The following ADAMTS2 variants were observed in gnomAD, a reference collection of about 807,000 sequenced individuals.
ADAMTS2 encodes A disintegrin and metalloproteinase with thrombospondin motifs 2.
A neutral mutation model predicts 123.0 loss-of-function variants in ADAMTS2; 50 were observed. The ratio of observed to expected loss-of-function variants is 0.41; its 90% CI spans 0.32 to 0.51. ADAMTS2 has a LOEUF of 0.51. Ranked by LOEUF, ADAMTS2 falls within the 20% of genes least tolerant of loss-of-function variation. The pLI is 0.35. For synonymous variants in ADAMTS2, 678 were observed against 695.4 expected (o/e 0.98, Z 0.39); for missense variants, 1,494 against 1,705.2 (o/e 0.88, Z 2.18).
chr5:179,344,956 G>T lies in ADAMTS2; in HGVS notation c.139+234C>A, dbSNP rs564396348. Reference sequence around the variant, plus strand: ...CCGGCCCTCCGTCCCCACCCTCCGCGACTCAGGAGCCGCCAGTGCTCCGAG... The same window carrying T: ...CCGGCCCTCCGTCCCCACCCTCCGCTACTCAGGAGCCGCCAGTGCTCCGAG... On this transcript the variant is annotated intron_variant, in intron 1 of 21. Transcript: ENST00000251582. 2.6e-5 allele frequency among the ~76,000 whole-genome samples: 4 copies of T among 152,128 alleles called. No homozygotes were observed. The East Asian group carries it at 7.8e-4, about 30-fold the overall frequency.
chr5:179,310,286 C>T (rs1238821214), intron 2 of ADAMTS2, among the ~76,000 whole-genome samples: 2 of 152,226 alleles, frequency 1.3e-5, no homozygotes, highest in East Asian at 3.9e-4. Context: ...GCTCATACCA[C>T]AAGGCAGAAA....
Position 179,130,185 on chromosome 5 carries a change from G to C in ADAMTS2, c.2291-87C>G. On this transcript the variant is annotated intron_variant, in intron 15 of 21. Transcript: ENST00000251582. This position sits in a 1 kb window ranked among gnomAD's most constrained non-coding sequence, Gnocchi z 4.3. ...GGTTTGGGCTGGTCGGGGAGTGGGGGCAGCTAGCTGGACCCCTTGTCTCTC... is the reference window on the plus strand; with the variant it reads ...GGTTTGGGCTGGTCGGGGAGTGGGGCCAGCTAGCTGGACCCCTTGTCTCTC... The C allele has an allele frequency of 3.3e-6, 5 of 1,514,408 alleles. No homozygotes were observed. The highest frequency in any genetic ancestry group is 3.6e-6 in the Non-Finnish European group (4 of 1,097,484). The allele number at this position is 1,514,408 out of a possible 1,614,324, so 93.8% of individuals were successfully genotyped here.
intron 10 of ADAMTS2, among the ~76,000 whole-genome samples, chr5:179,148,800 C>T (rs923545752): frequency 2.0e-5 from 3 of 152,014 alleles, no homozygotes; most frequent in African/African-American, 2.4e-5. Flanking sequence ...GTCTGAGCCA[C>T]GTGGGGACTG....
At chr5:179,305,054 T>TA (rs1756633228) in intron 2 of ADAMTS2, among the ~76,000 whole-genome samples, 2 of 125,994 alleles carry the variant, frequency 1.6e-5, no homozygotes, top group Admixed American at 7.7e-5. Context: ...GTTAAAATGC[T>TA]GAAAAAAAAA....
rs1343776477 is a variant in ADAMTS2 at position 179,140,033 on chromosome 5, A to G, written c.1632T>C (p.His544=). ...GCCAGATGCAGTGTCCTTTAAAACA[A>G]TGCTGAAAGACAGGAAGCCAGTCCC... The part of the protein sequence containing the change: ...LDGTMCAPGK[H]CFKGHCIWLT... The change falls in exon 11 of 22, where the codon CAT becomes CAC. Residue 544 remains histidine (H), a splice_region_variant and synonymous_variant. Coordinates refer to ENST00000251582, the MANE Select transcript of ADAMTS2 (RefSeq NM_014244.5). 1.3e-5 allele frequency: 21 copies of G among 1,613,996 alleles called. No homozygotes were observed. The highest frequency in any genetic ancestry group is 1.1e-4 in the South Asian group (10 of 91,080).
At chr5:179,125,930 A>C in intron 18 of ADAMTS2, 68 bp downstream of exon 18, 1 of 1,604,420 alleles carries the variant, frequency 6.2e-7, no homozygotes, top group Non-Finnish European at 8.5e-7. Context: ...CCACACCTCC[A>C]AGCACGGGAG....
At chr5:179,230,177 G>C in intron 3 of ADAMTS2, among the ~76,000 whole-genome samples, 1 of 152,216 alleles carries the variant, frequency 6.6e-6, no homozygotes, top group Non-Finnish European at 1.5e-5. Context: ...CGGGAGGAGG[G>C]CAGGGCAGGC....
intron 18 of ADAMTS2, among the ~76,000 whole-genome samples, chr5:179,125,626 C>T (rs1330843298): frequency 6.6e-6 from 1 of 152,244 alleles, no homozygotes; most frequent in Non-Finnish European, 1.5e-5. Context: ...AACTGTCTTC[C>T]CCACTGAGGT....
rs1765268077 is a variant in ADAMTS2, at chr5:179,225,747, CCTT to C, written c.689-18035_689-18033del. On this transcript the variant is annotated intron_variant, in intron 3 of 21. Coordinates refer to ENST00000251582, the MANE Select transcript of ADAMTS2 (RefSeq NM_014244.5). This position sits in a 1 kb window ranked among gnomAD's most constrained non-coding sequence, Gnocchi z 4.5. ...GGGAAAGCCCTTTGCACCCCATCCT[CCTT>C]CTGGCTTCCCCCATCTGCTGAGAGC... Among the ~76,000 whole-genome samples, 3 of 152,320 alleles carry C rather than the reference CCTT, an allele frequency of 2.0e-5. No individual in the cohort carries two copies. Among genetic ancestry groups the C allele is most frequent in the African/African-American group, 7.2e-5 (3 of 41,584 alleles).
intron 3 of ADAMTS2, among the ~76,000 whole-genome samples, chr5:179,251,491 C>A (rs1424635555): frequency 6.6e-6 from 1 of 152,066 alleles, no homozygotes; most frequent in Non-Finnish European, 1.5e-5. Context: ...AGCCCCCCAC[C>A]CCACAGAGAC....
At chr5:179,213,389 T>C (rs1467472644) in intron 3 of ADAMTS2, among the ~76,000 whole-genome samples, 1 of 152,164 alleles carries the variant, frequency 6.6e-6, no homozygotes, top group Non-Finnish European at 1.5e-5. Flanking sequence ...CCCTCTCAGA[T>C]AGAGAACCCT....
At chr5:179,178,675 T>G (rs895971360) in intron 5 of ADAMTS2, among the ~76,000 whole-genome samples, 3 of 152,358 alleles carry the variant, frequency 2.0e-5, no homozygotes, top group African/African-American at 7.2e-5. Context: ...TCTTCATTGA[T>G]TCTATGTGTT....
At chr5:179,288,684 G>A (rs570702030) in intron 2 of ADAMTS2, among the ~76,000 whole-genome samples, 1 of 152,352 alleles carries the variant, frequency 6.6e-6, no homozygotes, top group Admixed American at 6.5e-5. Flanking sequence ...GAGCAGCGAG[G>A]CCAGCAATGA....
At chr5:179,302,569 T>C (rs1756560446) in intron 2 of ADAMTS2, among the ~76,000 whole-genome samples, 2 of 151,496 alleles carry the variant, frequency 1.3e-5, no homozygotes, top group South Asian at 2.1e-4. Context: ...GCAGCACCGA[T>C]AGATGTGGCC....
At chr5:179,238,227 G>A (rs1397529523) in intron 3 of ADAMTS2, among the ~76,000 whole-genome samples, 1 of 152,196 alleles carries the variant, frequency 6.6e-6, no homozygotes, top group South Asian at 2.1e-4. Flanking sequence ...TGCAGCAGGT[G>A]GAACCGCAGA....
Position 179,345,418 on chromosome 5 carries a change from G to T in ADAMTS2, c.-90C>A, listed in dbSNP as rs1757925406. On this transcript the variant is annotated 5_prime_UTR_variant, in exon 1 of 22. Coordinates refer to ENST00000251582, the MANE Select transcript of ADAMTS2 (RefSeq NM_014244.5). This position sits in a 1 kb window ranked among gnomAD's most constrained non-coding sequence, Gnocchi z 7.5. ...CAGCCCACATCTGGGGGCAGCTGGA[G>T]CCGCCCGCAGCTGCAGCACCGCAGG... is the stretch of plus-strand genomic sequence containing the variant. 9.7e-7 allele frequency: 1 copy of T among 1,036,058 alleles called. No individual in the cohort carries two copies. Among genetic ancestry groups the T allele is most frequent in the Non-Finnish European group, 1.2e-6 (1 of 858,426 alleles). The allele number at this position is 1,036,058 out of a possible 1,614,324, so 64.2% of individuals were successfully genotyped here. A position where few individuals can be genotyped will look rare whatever the true frequency, so the allele number is the denominator to read the frequency against.
intron 3 of ADAMTS2, among the ~76,000 whole-genome samples, chr5:179,231,876 C>T (rs1480195890): frequency 6.7e-6 from 1 of 148,914 alleles, no homozygotes; most frequent in African/African-American, 2.5e-5. Context: ...GATTGTGCCA[C>T]TGCACTCCAG....
At chr5:179,243,850 T>C (rs1765721747) in intron 3 of ADAMTS2, among the ~76,000 whole-genome samples, 1 of 152,088 alleles carries the variant, frequency 6.6e-6, no homozygotes, top group Admixed American at 6.5e-5. Flanking sequence ...AGAGAAATTA[T>C]AAACAAGAAC....
chr5:179,328,327 C>T (rs749464704), intron 2 of ADAMTS2, among the ~76,000 whole-genome samples: 13 of 152,200 alleles, frequency 8.5e-5, no homozygotes, highest in East Asian at 1.9e-4. Flanking sequence ...CCACCGCACC[C>T]GGCAAGAGAT....
Sources: gnomAD v4.1 joint callset for allele counts (sites outside exome capture counted in the v4.1 genomes callset) on GRCh38, gnomAD v4.1.1 for gene constraint, Gnocchi (gnomAD v3.1) non-coding constraint, MANE v1.5 for transcripts, NCBI Gene and HGNC (gene_info 2026-07-23, HGNC 2026-07-21) for gene names.